Variants in CNOT6 observed in about 807,000 individuals in gnomAD.
The protein encoded by CNOT6 is carbon catabolite repression 4 protein.
CNOT6 carries 12 observed loss-of-function variants against 61.2 expected under a neutral mutation model. The observed-to-expected ratio is 0.20, with a 90% CI of 0.13 to 0.32. CNOT6 has a LOEUF of 0.32. CNOT6 is among the 10% of genes least tolerant of loss of function. The pLI, the probability that CNOT6 is intolerant of heterozygous loss-of-function variation, is 1.00. For missense variants in CNOT6, 405 were observed against 663.9 expected, an observed-to-expected ratio of 0.61 and a Z score of 4.28; for synonymous variants, 225 against 240.6, an observed-to-expected ratio of 0.94 and a Z score of 0.60.
chr5:180,524,831 A>G (rs1454642121), intron 1 of CNOT6, among the ~76,000 whole-genome samples: 1 of 152,242 alleles, frequency 6.6e-6, no homozygotes, highest in Non-Finnish European at 1.5e-5. Context: ...TCTTACCATT[A>G]TTAAATTCTA....
rs557415501 is a variant in CNOT6, at chr5:180,552,117, C to T, written c.300-1269C>T. On this transcript the variant is annotated intron_variant, in intron 3 of 11. Transcript: ENST00000261951. Reference sequence around the variant, plus strand: ...CTCCTGACCTCAAATGATCTGCCTGCCTCGGCCTCCCAAAGTGCTGGGATT... The same window carrying T: ...CTCCTGACCTCAAATGATCTGCCTGTCTCGGCCTCCCAAAGTGCTGGGATT... Among the ~76,000 whole-genome samples the T allele has an allele frequency of 1.1e-4, 17 of 151,808 alleles. No homozygotes were observed. In the South Asian group the frequency reaches 3.3e-3, roughly 30 times the overall value.
At chr5:180,573,608 C>A in intron 11 of CNOT6, among the ~76,000 whole-genome samples, 1 of 128,798 alleles carries the variant, frequency 7.8e-6, no homozygotes, top group African/African-American at 3.2e-5. Context: ...TGTGTCCGTC[C>A]GTCCGTCCGT....
chr5:180,496,353 G>A (rs1474510855), intron 1 of CNOT6, among the ~76,000 whole-genome samples: 3 of 152,302 alleles, frequency 2.0e-5, no homozygotes, highest in African/African-American at 2.4e-5. Flanking sequence ...TCTAGGTGGA[G>A]GTGACTTGCC....
chr5:180,505,571 G>A (rs1211456110), intron 1 of CNOT6, among the ~76,000 whole-genome samples: 7 of 117,344 alleles, frequency 6.0e-5, no homozygotes, highest in African/African-American at 1.6e-4. Flanking sequence ...TTTTTGAGAC[G>A]GAGTCTGGCT....
At chr5:180,526,283 A>T (rs1005331841) in intron 1 of CNOT6, among the ~76,000 whole-genome samples, 4 of 152,250 alleles carry the variant, frequency 2.6e-5, no homozygotes, top group Non-Finnish European at 5.9e-5. Flanking sequence ...AATAGAGGAA[A>T]GAATAGCACA....
chr5:180,562,722 A>G (rs1760249537), intron 4 of CNOT6, among the ~76,000 whole-genome samples: 1 of 152,200 alleles, frequency 6.6e-6, no homozygotes, highest in South Asian at 2.1e-4. Context: ...CCTGGGCAAC[A>G]GAGCGAGACT....
intron 1 of CNOT6, among the ~76,000 whole-genome samples, chr5:180,527,974 G>C (rs1195187367): frequency 6.6e-6 from 1 of 152,172 alleles, no homozygotes; most frequent in African/African-American, 2.4e-5. Context: ...TTGGTGATCT[G>C]AGATGGTACG....
rs1398427110 is a variant in CNOT6 at position 180,567,895 on chromosome 5, A to T, written c.919A>T (p.Met307Leu). 6 of 1,614,130 alleles carry T rather than the reference A, an allele frequency of 3.7e-6. No individual in the cohort carries two copies. The highest frequency in any genetic ancestry group is 5.1e-6 in the Non-Finnish European group (6 of 1,180,010). ...KHTVEFNQLA[M>L]ANSEGSEAML... ...CACTGTTGAATTTAATCAGCTAGCC[A>T]TGGCAAATTCTGAGGGGTCTGAAGC... is the stretch of plus-strand genomic sequence containing the variant. The change falls in exon 9 of 12, where the codon ATG (methionine) becomes TTG (leucine). Residue 307 changes from methionine (M) to leucine (L), a missense_variant. By Grantham distance (15) the Met-to-Leu change is conservative. This residue lies in a region of CNOT6 where 24 missense variants were observed against 85.2 expected (regional missense o/e 0.28). Coordinates refer to ENST00000261951, the MANE Select transcript of CNOT6 (RefSeq NM_001370472.1).
At chr5:180,534,310 C>T (rs1240320289) in intron 2 of CNOT6, 3 of 181,674 alleles carry the variant, frequency 1.7e-5, no homozygotes, top group Non-Finnish European at 3.7e-5. Flanking sequence ...CCCAGTACCC[C>T]TGCGATGATT....
intron 4 of CNOT6, among the ~76,000 whole-genome samples, chr5:180,556,802 C>G (rs1009608227): frequency 1.3e-5 from 2 of 151,934 alleles, no homozygotes; most frequent in Non-Finnish European, 2.9e-5. Context: ...AATACAAAAA[C>G]AAAATTAGCC....
At chr5:180,498,875 C>G (rs1047191466) in intron 1 of CNOT6, among the ~76,000 whole-genome samples, 1 of 152,190 alleles carries the variant, frequency 6.6e-6, no homozygotes, top group Non-Finnish European at 1.5e-5. Context: ...CTGCAACCTC[C>G]GCCTCCTGGG....
intron 1 of CNOT6, among the ~76,000 whole-genome samples, chr5:180,503,744 T>TACAGGCGTGCGCCACC (rs1315968326): frequency 6.6e-6 from 1 of 151,540 alleles, no homozygotes; most frequent in Non-Finnish European, 1.5e-5. Context: ...TAGCTGGGAC[T>TACAGGCGTGCGCCACC]ACAGGCGTGC....
intron 1 of CNOT6, among the ~76,000 whole-genome samples, chr5:180,503,339 C>T (rs1382257491): frequency 6.6e-6 from 1 of 150,932 alleles, no homozygotes; most frequent in East Asian, 1.9e-4. Flanking sequence ...TCTCGGCTCA[C>T]TGCAACCTCT....
chr5:180,518,065 CTT>C (rs1183445274), intron 1 of CNOT6, among the ~76,000 whole-genome samples: 1 of 152,114 alleles, frequency 6.6e-6, no homozygotes, highest in Non-Finnish European at 1.5e-5. Flanking sequence ...ATTGCCAGCT[CTT>C]TTTTTGCAGC....
intron 4 of CNOT6, among the ~76,000 whole-genome samples, chr5:180,555,648 A>G (rs762347875): frequency 8.5e-5 from 13 of 152,168 alleles, no homozygotes; most frequent in Non-Finnish European, 1.6e-4. Flanking sequence ...GGGTGGAATG[A>G]TCCGTTTGGG....
intron 1 of CNOT6, among the ~76,000 whole-genome samples, chr5:180,508,962 A>G (rs1222141339): frequency 6.6e-6 from 1 of 151,644 alleles, no homozygotes; most frequent in Non-Finnish European, 1.5e-5. Flanking sequence ...AGCTGAGACT[A>G]TAGGCAAGTA....
rs1761097785 is a variant in CNOT6, at chr5:180,578,333, T to A, written c.*4133T>A. ...TGGAAGGAGGTTGACATATTTTAAA[T>A]AAATGCTTTTAAATACAGTAGCAAA... On this transcript the variant is annotated 3_prime_UTR_variant, in exon 12 of 12. Transcript: ENST00000261951. 1 of 152,642 alleles carries A rather than the reference T, an allele frequency of 6.6e-6. No homozygotes were observed. The highest frequency in any genetic ancestry group is 6.5e-5 in the Admixed American group (1 of 15,292). The allele number at this position is 152,642 out of a possible 1,614,324, so 9.5% of individuals were successfully genotyped here. A position where few individuals can be genotyped will look rare whatever the true frequency, so the allele number is the denominator to read the frequency against.
intron 2 of CNOT6, among the ~76,000 whole-genome samples, chr5:180,545,190 G>T (rs956948794): frequency 6.6e-6 from 1 of 152,112 alleles, no homozygotes; most frequent in African/African-American, 2.4e-5. Context: ...CAAAATTGGC[G>T]TGTATAAAGT....
intron 1 of CNOT6, among the ~76,000 whole-genome samples, chr5:180,497,406 A>G (rs1225934844): frequency 6.6e-6 from 1 of 152,142 alleles, no homozygotes; most frequent in African/African-American, 2.4e-5. Context: ...TATTCTTTAA[A>G]TGATAAACCT....
Sources: allele counts gnomAD v4.1 joint callset (sites outside exome capture counted in the v4.1 genomes callset), GRCh38; gene constraint gnomAD v4.1.1; regional missense constraint gnomAD v4.1.1; transcripts MANE v1.5; gene names NCBI Gene and HGNC (gene_info 2026-07-23, HGNC 2026-07-21).